The following SPOP variants were observed in gnomAD, a reference collection of about 807,000 sequenced individuals.
The protein encoded by SPOP is speckle type BTB/POZ protein.
In SPOP, 11 loss-of-function variants were observed where a neutral mutation model predicts 45.6. The observed-to-expected ratio is 0.24, with a 90% CI of 0.15 to 0.40. The LOEUF is 0.40. Ranked by LOEUF, SPOP falls within the 10% of genes least tolerant of loss-of-function variation. The probability of loss-of-function intolerance (pLI) is 1.00; values close to 1 mark genes in which losing one functional copy is unlikely to be tolerated. For synonymous variants in SPOP, 166 were observed against 166.3 expected (o/e 1.00, Z 0.01); for missense variants, 152 against 465.6 (o/e 0.33, Z 6.20).
At chr17:49,634,539 T>A (rs1389713140) in intron 1 of SPOP, among the ~76,000 whole-genome samples, 2 of 152,210 alleles carry the variant, frequency 1.3e-5, no homozygotes, top group Non-Finnish European at 2.9e-5. Context: ...ATGATGACTA[T>A]GAAGAACCTT....
chr17:49,617,639 G>C (rs1411923766), intron 5 of SPOP, among the ~76,000 whole-genome samples: 2 of 152,014 alleles, frequency 1.3e-5, no homozygotes, highest in Non-Finnish European at 2.9e-5. Flanking sequence ...AATACAGAAG[G>C]CTGGCTGGGC....
intron 3 of SPOP, among the ~76,000 whole-genome samples, chr17:49,621,375 G>A (rs2072219530): frequency 6.6e-6 from 1 of 152,204 alleles, no homozygotes; most frequent in South Asian, 2.1e-4. Flanking sequence ...CAGAGATGGT[G>A]TTCTTACTCT....
intron 1 of SPOP, among the ~76,000 whole-genome samples, chr17:49,673,167 G>T (rs751187647): frequency 1.3e-5 from 2 of 152,036 alleles, no homozygotes; most frequent in Non-Finnish European, 2.9e-5. Context: ...AGTATTTAAG[G>T]GTAAAGTGTC....
chr17:49,649,604 G>A (rs973833577), intron 1 of SPOP, among the ~76,000 whole-genome samples: 1 of 151,592 alleles, frequency 6.6e-6, no homozygotes, highest in African/African-American at 2.4e-5. Context: ...AGGCCGAGGC[G>A]GGCAGATCAA....
chr17:49,665,645 TACAGACACACAC>T, intron 1 of SPOP, among the ~76,000 whole-genome samples: 1 of 62,480 alleles, frequency 1.6e-5, no homozygotes, highest in Non-Finnish European at 3.0e-5. Flanking sequence ...TATATATATA[TACAGACACACAC>T]ACACACACAC....
intron 1 of SPOP, among the ~76,000 whole-genome samples, chr17:49,633,698 C>T (rs959779121): frequency 6.6e-6 from 1 of 152,154 alleles, no homozygotes; most frequent in African/African-American, 2.4e-5. Flanking sequence ...ATCTCTGCTC[C>T]AAATGCCGAA....
At chr17:49,636,826 A>C (rs1284661557) in intron 1 of SPOP, 1 of 152,234 alleles carries the variant, frequency 6.6e-6, no homozygotes, top group African/African-American at 2.4e-5. Flanking sequence ...GAAATAGAGA[A>C]TATGAATCAG....
chr17:49,640,277 A>C (rs938929510), intron 1 of SPOP, among the ~76,000 whole-genome samples: 4 of 152,106 alleles, frequency 2.6e-5, no homozygotes, highest in Non-Finnish European at 4.4e-5. Flanking sequence ...TTCAAAGCAT[A>C]CATTATTAAA....
At chr17:49,642,269 A>T (rs75194292) in intron 1 of SPOP, among the ~76,000 whole-genome samples, 4 of 152,210 alleles carry the variant, frequency 2.6e-5, no homozygotes, top group Admixed American at 1.3e-4. Flanking sequence ...CATGCAAAAA[A>T]ATATATAATT....
intron 9 of SPOP, chr17:49,601,538 T>G (rs1288214590): frequency 4.8e-6 from 1 of 206,982 alleles, no homozygotes; most frequent in Non-Finnish European, 9.9e-6. Flanking sequence ...CATATGTCTA[T>G]CCTCCTAGAA....
intron 1 of SPOP, among the ~76,000 whole-genome samples, chr17:49,635,597 A>G (rs1368825769): frequency 6.6e-6 from 1 of 152,020 alleles, no homozygotes; most frequent in Non-Finnish European, 1.5e-5. Context: ...TTTATAAAGT[A>G]AAATGAAGCC....
chr17:49,623,085 C>T (rs560268846), intron 1 of SPOP, among the ~76,000 whole-genome samples: 1 of 152,070 alleles, frequency 6.6e-6, no homozygotes, highest in South Asian at 2.1e-4. Flanking sequence ...TGGCTCACCG[C>T]AACCTCCGCC....
chr17:49,626,994 C>G (rs927309315), intron 1 of SPOP, among the ~76,000 whole-genome samples: 1 of 152,180 alleles, frequency 6.6e-6, no homozygotes, highest in Non-Finnish European at 1.5e-5. Flanking sequence ...GGACTACAGG[C>G]ACCCGCCACC....
chr17:49,641,470 C>T (rs1199118369), intron 1 of SPOP, among the ~76,000 whole-genome samples: 2 of 150,730 alleles, frequency 1.3e-5, no homozygotes, highest in Admixed American at 1.3e-4. Context: ...GTGTCTGGCA[C>T]ATGGAAGGCT....
chr17:49,665,619 A>G (rs1292707596), intron 1 of SPOP, among the ~76,000 whole-genome samples: 1 of 147,586 alleles, frequency 6.8e-6, no homozygotes, highest in Non-Finnish European at 1.5e-5. Context: ...GTCTCACAAA[A>G]AAAGCAAAAA....
chr17:49,644,169 C>G (rs1399825677), intron 1 of SPOP, among the ~76,000 whole-genome samples: 2 of 152,026 alleles, frequency 1.3e-5, no homozygotes, highest in East Asian at 3.9e-4. Flanking sequence ...AGTTCAAGAC[C>G]AGCCTAGGCA....
intron 1 of SPOP, among the ~76,000 whole-genome samples, chr17:49,644,313 G>A (rs991085961): frequency 6.6e-6 from 1 of 152,206 alleles, no homozygotes; most frequent in Non-Finnish European, 1.5e-5. Flanking sequence ...TAAAAGAAGA[G>A]TATCATTTCA....
intron 1 of SPOP, among the ~76,000 whole-genome samples, chr17:49,654,816 G>C (rs938037042): frequency 9.2e-5 from 14 of 152,070 alleles, no homozygotes; most frequent in African/African-American, 3.4e-4. Context: ...AAAATAAAAT[G>C]GCATTCTGGT....
chr17:49,665,608 T>C (rs1434079536), intron 1 of SPOP, among the ~76,000 whole-genome samples: 1 of 147,790 alleles, frequency 6.8e-6, no homozygotes, highest in Non-Finnish European at 1.5e-5. Context: ...AACAAGACTC[T>C]GTCTCACAAA....
Sources: gnomAD v4.1 joint callset for allele counts (sites outside exome capture counted in the v4.1 genomes callset) on GRCh38, gnomAD v4.1.1 for gene constraint, MANE v1.5 for transcripts, NCBI Gene and HGNC (gene_info 2026-07-23, HGNC 2026-07-21) for gene names.